RBM27: variants seen among roughly 807,000 people sequenced by gnomAD.
RBM27 encodes RNA-binding protein 27.
In RBM27, 22 loss-of-function variants were observed where a neutral mutation model predicts 135.3. The ratio of observed to expected loss-of-function variants is 0.16; its 90% CI spans 0.12 to 0.23. RBM27 has a LOEUF of 0.23. Among genes scored for constraint, RBM27 ranks in the 10% least tolerant of loss-of-function variants. RBM27 has a pLI of 1.00. For synonymous variants in RBM27, 481 were observed against 442.4 expected (o/e 1.09, Z -1.10); for missense variants, 1,009 against 1,281.0 (o/e 0.79, Z 3.24).
chr5:146,228,570 C>G (rs1756784339), intron 3 of RBM27, among the ~76,000 whole-genome samples: 1 of 151,540 alleles, frequency 6.6e-6, no homozygotes, highest in African/African-American at 2.4e-5. Context: ...GTGTGAATCA[C>G]TGCGCCCGGC....
chr5:146,204,305 G>A (rs1370150746), intron 1 of RBM27, among the ~76,000 whole-genome samples: 2 of 152,140 alleles, frequency 1.3e-5, no homozygotes, highest in Non-Finnish European at 2.9e-5. Context: ...GGGCAGAAGC[G>A]GATAGCAGGG....
chr5:146,226,032 T>TTTC (rs1389760859), intron 3 of RBM27, among the ~76,000 whole-genome samples: 2 of 149,924 alleles, frequency 1.3e-5, no homozygotes, highest in Non-Finnish European at 3.0e-5. Context: ...TGCCTAATTT[T>TTTC]TTTTTTTTTT....
At chr5:146,250,071 C>G (rs1757817652) in intron 8 of RBM27, among the ~76,000 whole-genome samples, 1 of 152,032 alleles carries the variant, frequency 6.6e-6, no homozygotes, top group Non-Finnish European at 1.5e-5. Flanking sequence ...ACTGTGAAAC[C>G]AAGTGGTTGC....
intron 19 of RBM27, among the ~76,000 whole-genome samples, chr5:146,281,049 C>T (rs987242056): frequency 3.3e-5 from 5 of 151,798 alleles, no homozygotes; most frequent in South Asian, 2.1e-4. Flanking sequence ...GTAGTAGAGA[C>T]GAGGTTTCAC....
At chr5:146,223,730 A>G (rs950748061) in intron 3 of RBM27, among the ~76,000 whole-genome samples, 7 of 152,220 alleles carry the variant, frequency 4.6e-5, no homozygotes, top group Admixed American at 3.9e-4. Context: ...TTAGAGATCC[A>G]AGAAATATTT....
rs747528373 is a variant in RBM27, at chr5:146,203,780, T to C, written c.15T>C (p.Asp5=). 9.0e-6 allele frequency: 14 copies of C among 1,549,994 alleles called. No individual in the cohort carries two copies. Among genetic ancestry groups the C allele is most frequent in the Non-Finnish European group, 1.1e-5 (13 of 1,146,402 alleles). The change falls in exon 1 of 21, where the codon GAT becomes GAC. Residue 5 remains aspartate, a synonymous_variant. Transcript: ENST00000265271. MLIE[D]VDALKSWLAK... is the part of the protein sequence containing the mutation. ...TTCCCTGCACCATGCTCATAGAGGA[T>C]GTGGATGCCCTCAAGTCCTGGCTGG...
chr5:146,257,810 GT>G (rs879802758), intron 10 of RBM27, among the ~76,000 whole-genome samples: 63 of 139,622 alleles, frequency 4.5e-4, no homozygotes, highest in Middle Eastern at 3.7e-3. Flanking sequence ...CATTGTTTTT[GT>G]TTTTTTTTTT....
At chr5:146,220,489 A>AATATATATAT (rs34220307) in intron 2 of RBM27, among the ~76,000 whole-genome samples, 5 of 104,918 alleles carry the variant, frequency 4.8e-5, no homozygotes, top group African/African-American at 1.2e-4. Flanking sequence ...AAAAAAAAAA[A>AATATATATAT]ATATATATAT....
At chr5:146,263,086 G>A (rs1758465240) in intron 13 of RBM27, among the ~76,000 whole-genome samples, 2 of 152,112 alleles carry the variant, frequency 1.3e-5, no homozygotes, top group South Asian at 4.1e-4. Flanking sequence ...GTTTCACCAT[G>A]TTGGCCAGGC....
chr5:146,253,072 A>G (rs372416416), intron 9 of RBM27, among the ~76,000 whole-genome samples: 4 of 152,114 alleles, frequency 2.6e-5, no homozygotes, highest in African/African-American at 9.6e-5. Context: ...ATCTTGGCTC[A>G]CTGCAACCTC....
chr5:146,254,500 T>A (rs775240450), intron 9 of RBM27, among the ~76,000 whole-genome samples: 3 of 151,802 alleles, frequency 2.0e-5, no homozygotes, highest in Non-Finnish European at 4.4e-5. Context: ...CAGTCATCCC[T>A]TCACCTCAGG....
chr5:146,223,310 A>G lies in RBM27; in HGVS notation c.179-93A>G, dbSNP rs971904600. On this transcript the variant is annotated intron_variant, in intron 2 of 20. Coordinates refer to ENST00000265271, the MANE Select transcript of RBM27 (RefSeq NM_018989.2). ...TTTTTAGTCCTACTAGCAGTGTACA[A>G]GATGTCCTGTTTTCCTGAGCTTTGC... 7.4e-6 allele frequency: 9 copies of G among 1,208,586 alleles called. No individual in the cohort carries two copies. The African/African-American group carries it at 1.2e-4, about 17-fold the overall frequency. The allele number at this position is 1,208,586 out of a possible 1,614,324, so 74.9% of individuals were successfully genotyped here. A position where few individuals can be genotyped will look rare whatever the true frequency, so the allele number is the denominator to read the frequency against.
chr5:146,220,449 T>C lies in RBM27; in HGVS notation c.178+1346T>C, dbSNP rs560615805. Among the ~76,000 whole-genome samples the C allele has an allele frequency of 5.1e-5, 7 of 136,678 alleles. No homozygotes were observed. In the South Asian group the frequency reaches 1.6e-3, roughly 31 times the overall value. 89.7% of individuals were successfully genotyped at this position (136,678 alleles called of 152,430 possible). On this transcript the variant is annotated intron_variant, in intron 2 of 20. Transcript: ENST00000265271. ...AAGATCGCGCCACTGCATTCCAGAA[T>C]GGGCGACTGAGCGAGAGTCCATCTC...
chr5:146,211,060 T>A (rs950221722), intron 1 of RBM27, among the ~76,000 whole-genome samples: 6 of 151,340 alleles, frequency 4.0e-5, no homozygotes, highest in African/African-American at 1.2e-4. Context: ...AGCACTTGAG[T>A]CCAGGAGTTC....
chr5:146,232,176 C>T (rs1053703388), intron 6 of RBM27, among the ~76,000 whole-genome samples: 5 of 152,134 alleles, frequency 3.3e-5, no homozygotes, highest in African/African-American at 1.2e-4. Flanking sequence ...ACTTCTGTGG[C>T]CTGTATTATT....
chr5:146,254,943 A>G lies in RBM27; in HGVS notation c.1445A>G (p.Asp482Gly). 6.4e-7 allele frequency: 1 copy of G among 1,567,732 alleles called. No individual in the cohort carries two copies. Among genetic ancestry groups the G allele is most frequent in the Non-Finnish European group, 8.7e-7 (1 of 1,150,428 alleles). The change falls in exon 10 of 21, where the codon GAT becomes GGT. Residue 482 changes from aspartate to glycine, a missense_variant and splice_region_variant. Transcript: ENST00000265271. ...GTTTTGTTGCTTTGTTTTCCCTCAGATACATATGAACCAGATGGTTACAAC... is the reference window on the plus strand; with the variant it reads ...GTTTTGTTGCTTTGTTTTCCCTCAGGTACATATGAACCAGATGGTTACAAC... ...SVSSPTPLVP[D>G]TYEPDGYNPE... is the part of the protein sequence containing the mutation.
chr5:146,243,256 A>G (rs1186981527), intron 8 of RBM27, among the ~76,000 whole-genome samples: 1 of 152,292 alleles, frequency 6.6e-6, no homozygotes, highest in South Asian at 2.1e-4. Context: ...ACAAGAGCGA[A>G]ACGCCATCTC....
In RBM27 at chr5:146,287,303, A is replaced by G. The variant is rs539008369; in HGVS notation, c.*1273A>G. 1 of 152,340 alleles carries G rather than the reference A, an allele frequency of 6.6e-6. No homozygotes were observed. The highest frequency in any genetic ancestry group is 2.4e-5 in the African/African-American group (1 of 41,538). 9.4% of individuals were successfully genotyped at this position (152,340 alleles called of 1,614,324 possible). A position where few individuals can be genotyped will look rare whatever the true frequency, so the allele number is the denominator to read the frequency against. On this transcript the variant is annotated 3_prime_UTR_variant, in exon 21 of 21. Coordinates refer to ENST00000265271, the MANE Select transcript of RBM27 (RefSeq NM_018989.2). Reference sequence around the variant, plus strand: ...TTTACTGTGTGCATTTTTACTGTACACTGTATAGAGTAGAGTATCTGTTAA... The same window carrying G: ...TTTACTGTGTGCATTTTTACTGTACGCTGTATAGAGTAGAGTATCTGTTAA...
intron 19 of RBM27, among the ~76,000 whole-genome samples, chr5:146,275,533 C>G (rs886414256): frequency 1.4e-4 from 21 of 152,068 alleles, no homozygotes; most frequent in African/African-American, 5.1e-4. Flanking sequence ...TCCCAAAGTG[C>G]TAGGATTATA....
Sources: allele counts gnomAD v4.1 joint callset (sites outside exome capture counted in the v4.1 genomes callset), GRCh38; gene constraint gnomAD v4.1.1; transcripts MANE v1.5; gene names NCBI Gene and HGNC (gene_info 2026-07-23, HGNC 2026-07-21).